The following WDR17 variants were observed in gnomAD, a reference collection of about 807,000 sequenced individuals.
The protein encoded by WDR17 is WD repeat domain 17, also known as WD repeat-containing protein 17.
A neutral mutation model predicts 161.7 loss-of-function variants in WDR17; 143 were observed. The observed-to-expected ratio is 0.88, with a 90% confidence interval of 0.77 to 1.02. The LOEUF (loss-of-function observed/expected upper bound fraction) is 1.02. Among genes scored for constraint, WDR17 ranks in the 50% least tolerant of loss-of-function variants. The pLI is 0.00. For synonymous variants in WDR17, 517 were observed against 515.6 expected, an observed-to-expected ratio of 1.00 and a Z score of -0.04; for missense variants, 1,469 against 1,520.9, an observed-to-expected ratio of 0.97 and a Z score of 0.57.
chr4:176,118,817 C>T lies in WDR17; in HGVS notation c.308-1050C>T, dbSNP rs897710536. Among the ~76,000 whole-genome samples the T allele has an allele frequency of 4.0e-5, 6 of 151,668 alleles. No homozygotes were observed. The East Asian group carries it at 7.7e-4, about 20-fold the overall frequency. On this transcript the variant is annotated intron_variant, in intron 3 of 28. Coordinates refer to ENST00000508596, the MANE Select transcript of WDR17 (RefSeq NM_181265.4). ...TAAAAATACAAAAAAAAAAATTAAC[C>T]GGGCATGGTGGCGGGCGCCTGTAGT...
chr4:176,155,512 T>C (rs917310664), intron 17 of WDR17, among the ~76,000 whole-genome samples: 1 of 149,258 alleles, frequency 6.7e-6, no homozygotes, highest in Admixed American at 6.6e-5. Flanking sequence ...CAATACAATC[T>C]TTTTTACTTT....
chr4:176,155,935 A>G, intron 17 of WDR17, 144 bp from the exon 18 acceptor site: 1 of 672,802 alleles, frequency 1.5e-6, no homozygotes, highest in African/African-American at 1.9e-5. Flanking sequence ...AACAAAAAGA[A>G]GTCAGAAAGT....
chr4:176,145,025 T>A (rs191652059), intron 11 of WDR17, among the ~76,000 whole-genome samples: 47 of 152,332 alleles, frequency 3.1e-4, no homozygotes, highest in Admixed American at 1.6e-3. Context: ...GTTTGCAAAC[T>A]GCCGTATTTC....
chr4:176,130,744 C>CAAA (rs1241265294), intron 6 of WDR17, among the ~76,000 whole-genome samples: 2 of 71,906 alleles, frequency 2.8e-5, no homozygotes, highest in Admixed American at 1.5e-4. Context: ...GACTCCGTCT[C>CAAA]AAAAAAAAAA....
At chr4:176,117,445 T>C (rs1247856726) in intron 3 of WDR17, among the ~76,000 whole-genome samples, 1 of 152,060 alleles carries the variant, frequency 6.6e-6, no homozygotes, top group East Asian at 1.9e-4. Context: ...GATATTATTG[T>C]TCTCGTAAAG....
intron 6 of WDR17, 119 bp from the exon 7 acceptor site, chr4:176,131,435 A>AT: frequency 1.0e-6 from 1 of 978,804 alleles, no homozygotes; most frequent in Non-Finnish European, 1.4e-6. Flanking sequence ...GGGAGAATAT[A>AT]TGATCATTGC....
rs569836843 is a variant in WDR17, at chr4:176,131,856, A to G, written c.1098+118A>G. 7 of 784,938 alleles carry G rather than the reference A, an allele frequency of 8.9e-6. No individual in the cohort carries two copies. The East Asian group carries it at 2.0e-4, about 22-fold the overall frequency. The allele number at this position is 784,938 out of a possible 1,614,324, so 48.6% of individuals were successfully genotyped here. On this transcript the variant is annotated intron_variant, in intron 7 of 28. Transcript: ENST00000508596. ...ATTTTTGTAAGTAATAATATACTAG[A>G]AATTTATTGTAGCTGGTTGAAACAT...
Position 176,180,832 on chromosome 4 carries a change from T to C in WDR17, c.*1253T>C, listed in dbSNP as rs1752086343. 6.6e-6 allele frequency: 1 copy of C among 152,348 alleles called. No individual in the cohort carries two copies. Among genetic ancestry groups the C allele is most frequent in the East Asian group, 1.9e-4 (1 of 5,192 alleles). The allele number at this position is 152,348 out of a possible 1,614,324, so 9.4% of individuals were successfully genotyped here. A position where few individuals can be genotyped will look rare whatever the true frequency, so the allele number is the denominator to read the frequency against. On this transcript the variant is annotated 3_prime_UTR_variant, in exon 29 of 29. Coordinates refer to ENST00000508596, the MANE Select transcript of WDR17 (RefSeq NM_181265.4). The stretch of plus-strand genomic sequence containing the variant: ...TGTTGATTTAACTTTTAAAATGTTG[T>C]TTAAAAGTGTGAAGCTATGAAAAGC...
At chr4:176,154,014 A>G (rs755854902) in intron 17 of WDR17, among the ~76,000 whole-genome samples, 1 of 152,194 alleles carries the variant, frequency 6.6e-6, no homozygotes, top group Non-Finnish European at 1.5e-5. Context: ...TTGGTACAAC[A>G]GTGTAATTCT....
intron 23 of WDR17, among the ~76,000 whole-genome samples, chr4:176,170,181 TTTTA>T (rs1156798253): frequency 2.0e-5 from 3 of 152,112 alleles, no homozygotes; most frequent in Non-Finnish European, 4.4e-5. Flanking sequence ...ATTCAAATAA[TTTTA>T]TTTATATCAT....
At chr4:176,122,299 T>A (rs982637122) in intron 4 of WDR17, among the ~76,000 whole-genome samples, 8 of 152,226 alleles carry the variant, frequency 5.3e-5, no homozygotes, top group Admixed American at 5.2e-4. Flanking sequence ...CCTAAGGGCC[T>A]CATCTTAGTT....
intron 4 of WDR17, among the ~76,000 whole-genome samples, chr4:176,121,817 C>T (rs576430867): frequency 2.0e-5 from 3 of 152,282 alleles, no homozygotes; most frequent in Admixed American, 6.5e-5. Flanking sequence ...TTTGTTTTCC[C>T]TCTCTTAGGT....
chr4:176,173,226 C>T (rs1283393929), intron 24 of WDR17, 41 bp from the exon 25 acceptor site: 2 of 1,343,994 alleles, frequency 1.5e-6, no homozygotes, highest in South Asian at 1.3e-5. Flanking sequence ...AATTTTGAGA[C>T]TGTTATTTAA....
intron 1 of WDR17, among the ~76,000 whole-genome samples, chr4:176,081,279 A>G (rs570668883): frequency 6.6e-6 from 1 of 152,260 alleles, no homozygotes; most frequent in African/African-American, 2.4e-5. Context: ...TAAAATTCAC[A>G]GTTCTTACCA....
Position 176,150,542 on chromosome 4 carries a change from G to A in WDR17, c.2253G>A (p.Gln751=). Reference sequence around the variant, plus strand: ...GACAGGATGATAGCTTACTTCCTCAGAACTACTGCAAAGGAATAATGCACT... The same window carrying A: ...GACAGGATGATAGCTTACTTCCTCAAAACTACTGCAAAGGAATAATGCACT... ...IKGQDDSLLP[Q]NYCKGIMHLK... Residue 751 remains glutamine (Q), a synonymous_variant, in exon 16 of 29, where the codon CAG becomes CAA. Transcript: ENST00000508596. 1 of 1,611,572 alleles carries A rather than the reference G, an allele frequency of 6.2e-7. No homozygotes were observed. The highest frequency in any genetic ancestry group is 1.1e-5 in the South Asian group (1 of 90,380).
intron 6 of WDR17, among the ~76,000 whole-genome samples, chr4:176,130,674 G>A (rs1050453562): frequency 2.0e-5 from 3 of 151,558 alleles, no homozygotes; most frequent in East Asian, 1.9e-4. Flanking sequence ...CAACCTGGGA[G>A]GCGGAGCTTG....
chr4:176,067,654 T>A (rs2126531666), intron 1 of WDR17, among the ~76,000 whole-genome samples: 1 of 152,252 alleles, frequency 6.6e-6, no homozygotes, highest in South Asian at 2.1e-4. Flanking sequence ...CATAAATAAT[T>A]CCATAGATTA....
At chr4:176,081,103 T>G (rs1268687545) in intron 1 of WDR17, among the ~76,000 whole-genome samples, 1 of 152,152 alleles carries the variant, frequency 6.6e-6, no homozygotes, top group Non-Finnish European at 1.5e-5. Flanking sequence ...TTCAGCCCCT[T>G]GTCTTTCTCA....
chr4:176,167,490 C>T (rs1383035740), intron 22 of WDR17, among the ~76,000 whole-genome samples: 1 of 150,062 alleles, frequency 6.7e-6, no homozygotes, highest in Non-Finnish European at 1.5e-5. Context: ...ACTAAAAATA[C>T]AAAAAATTAG....
Sources: allele counts gnomAD v4.1 joint callset (sites outside exome capture counted in the v4.1 genomes callset), GRCh38; gene constraint gnomAD v4.1.1; transcripts MANE v1.5; gene names NCBI Gene and HGNC (gene_info 2026-07-23, HGNC 2026-07-21).